PCDH9: variants seen among roughly 807,000 people sequenced by gnomAD.
PCDH9 encodes protocadherin-9.
A neutral mutation model predicts 70.6 loss-of-function variants in PCDH9; 24 were observed. The ratio of observed to expected loss-of-function variants is 0.34; its 90% CI spans 0.25 to 0.48. The LOEUF (loss-of-function observed/expected upper bound fraction) is 0.48. Ranked by LOEUF, PCDH9 falls within the 20% of genes least tolerant of loss-of-function variation. The pLI is 0.99. For synonymous variants in PCDH9, 562 were observed against 558.5 expected, an observed-to-expected ratio of 1.01 and a Z score of -0.09; for missense variants, 1,281 against 1,503.6, an observed-to-expected ratio of 0.85 and a Z score of 2.45.
intron 3 of PCDH9, among the ~76,000 whole-genome samples, chr13:66,681,968 T>TATATATATATA (rs1566502472): frequency 3.4e-5 from 5 of 148,538 alleles, no homozygotes; most frequent in South Asian, 2.1e-4. Flanking sequence ...TATATATATA[T>TATATATATATA]TTGAGAGATT....
At chr13:66,606,015 C>T (rs2077218413) in intron 4 of PCDH9, among the ~76,000 whole-genome samples, 1 of 151,972 alleles carries the variant, frequency 6.6e-6, no homozygotes, top group South Asian at 2.1e-4. Context: ...CATGGGGCTC[C>T]CCTCGCCATT....
chr13:66,864,624 T>C (rs1566250057), intron 3 of PCDH9, among the ~76,000 whole-genome samples: 1 of 152,202 alleles, frequency 6.6e-6, no homozygotes. Context: ...ACTAATTTTC[T>C]CCATAGTCAA....
At chr13:66,745,110 T>C (rs548831411) in intron 3 of PCDH9, among the ~76,000 whole-genome samples, 1 of 152,268 alleles carries the variant, frequency 6.6e-6, no homozygotes, top group Admixed American at 6.5e-5. Flanking sequence ...AGCACCCCAC[T>C]CATAAGGATG....
intron 3 of PCDH9, among the ~76,000 whole-genome samples, chr13:66,769,479 A>G (rs1051485426): frequency 1.0e-4 from 15 of 148,504 alleles, no homozygotes; most frequent in Admixed American, 8.6e-4. Context: ...TAGTAGCAAC[A>G]TGGTTTTTTT....
chr13:66,619,949 C>A (rs566839090), intron 4 of PCDH9, among the ~76,000 whole-genome samples: 1 of 152,126 alleles, frequency 6.6e-6, no homozygotes, highest in Non-Finnish European at 1.5e-5. Context: ...TGTCAGTTTT[C>A]AATTTCCAAT....
intron 2 of PCDH9, among the ~76,000 whole-genome samples, chr13:67,193,006 C>T (rs77610412): frequency 2.0e-5 from 3 of 152,044 alleles, no homozygotes; most frequent in Admixed American, 1.3e-4. Context: ...TCCATCAACA[C>T]CTAATTGCTT....
chr13:67,081,508 C>T (rs958595739), intron 2 of PCDH9, among the ~76,000 whole-genome samples: 22 of 152,112 alleles, frequency 1.4e-4, no homozygotes, highest in Admixed American at 5.9e-4. Flanking sequence ...GCAGAGGTTG[C>T]AGTGAGCTGA....
At chr13:66,906,111 C>T (rs1037290896) in intron 2 of PCDH9, among the ~76,000 whole-genome samples, 21 of 152,146 alleles carry the variant, frequency 1.4e-4, no homozygotes, top group African/African-American at 4.6e-4. Context: ...AATAAATAAC[C>T]ACCATGATGA....
intron 4 of PCDH9, among the ~76,000 whole-genome samples, chr13:66,496,755 C>A (rs966797245): frequency 2.0e-5 from 3 of 152,130 alleles, no homozygotes; most frequent in African/African-American, 7.2e-5. Flanking sequence ...TAATAGTGAA[C>A]ATGGCCTTAT....
intron 2 of PCDH9, among the ~76,000 whole-genome samples, chr13:67,062,494 C>T (rs2085558260): frequency 6.6e-6 from 1 of 152,142 alleles, no homozygotes; most frequent in Non-Finnish European, 1.5e-5. Flanking sequence ...TGGTATTTCA[C>T]TGTATGACTG....
rs572762166 is a variant in PCDH9, at chr13:67,216,762, C to T, written c.3036+8643G>A. ...AATAATATTACATCACTTTAAAATC[C>T]ATCAAGAAACTAAGAAATCAGATGT... On this transcript the variant is annotated intron_variant, in intron 2 of 4. Transcript: ENST00000377865. 9 of 139,324 alleles carry T rather than the reference C, an allele frequency of 6.5e-5. No homozygotes were observed. In the South Asian group the frequency reaches 7.1e-4, roughly 11 times the overall value. The allele number at this position is 139,324 out of a possible 1,614,324, so 8.6% of individuals were successfully genotyped here. A position where few individuals can be genotyped will look rare whatever the true frequency, so the allele number is the denominator to read the frequency against.
At chr13:66,779,182 CTTT>C (rs368685061) in intron 3 of PCDH9, among the ~76,000 whole-genome samples, 1 of 142,356 alleles carries the variant, frequency 7.0e-6, no homozygotes, top group Non-Finnish European at 1.5e-5. Context: ...AGTTCAGTGG[CTTT>C]TTTTTTTTAA....
chr13:67,087,381 AG>A (rs2086129996), intron 2 of PCDH9, among the ~76,000 whole-genome samples: 1 of 152,138 alleles, frequency 6.6e-6, no homozygotes, highest in Non-Finnish European at 1.5e-5. Flanking sequence ...TCTTAGTACC[AG>A]TTTTACAAAT....
chr13:66,487,069 A>G (rs1594054813), intron 4 of PCDH9, among the ~76,000 whole-genome samples: 2 of 152,262 alleles, frequency 1.3e-5, no homozygotes, highest in African/African-American at 4.8e-5. Flanking sequence ...TAAAAGGATC[A>G]TTTAACATAT....
intron 2 of PCDH9, among the ~76,000 whole-genome samples, chr13:66,973,501 G>A (rs2083561347): frequency 6.6e-6 from 1 of 151,984 alleles, no homozygotes; most frequent in South Asian, 2.1e-4. Context: ...AAAGAAAAAG[G>A]AAGAGGTGAC....
intron 3 of PCDH9, among the ~76,000 whole-genome samples, chr13:66,882,828 A>G (rs1041336406): frequency 6.6e-6 from 1 of 152,182 alleles, no homozygotes; most frequent in African/African-American, 2.4e-5. Context: ...TCCACAAAAT[A>G]CCTCAGTGCA....
chr13:67,178,095 C>T (rs751672842), intron 2 of PCDH9, among the ~76,000 whole-genome samples: 1 of 151,992 alleles, frequency 6.6e-6, no homozygotes, highest in Non-Finnish European at 1.5e-5. Context: ...TAAGTATCTC[C>T]CAAGGTTGTC....
intron 2 of PCDH9, among the ~76,000 whole-genome samples, chr13:67,115,118 C>T (rs532413266): frequency 2.0e-5 from 3 of 152,280 alleles, no homozygotes; most frequent in Admixed American, 2.0e-4. Context: ...ACACGCTAAT[C>T]TCCCAATGCT....
intron 2 of PCDH9, among the ~76,000 whole-genome samples, chr13:67,005,467 C>G (rs1047241584): frequency 6.6e-6 from 1 of 152,038 alleles, no homozygotes; most frequent in Admixed American, 6.6e-5. Context: ...GAACTCATTC[C>G]CCTCACACAG....
Sources: allele counts gnomAD v4.1 joint callset (sites outside exome capture counted in the v4.1 genomes callset), GRCh38; gene constraint gnomAD v4.1.1; transcripts MANE v1.5; gene names NCBI Gene and HGNC (gene_info 2026-07-23, HGNC 2026-07-21).